Variants in SYCP2 observed in about 807,000 individuals in gnomAD.
The protein encoded by SYCP2 is synaptonemal complex protein 2.
In SYCP2, 55 loss-of-function variants were observed where a neutral mutation model predicts 211.3. That is an observed-to-expected ratio of 0.26 (90% CI 0.21 to 0.33). The LOEUF (loss-of-function observed/expected upper bound fraction) is 0.33, where lower values mean the gene tolerates loss of function less well. Ranked by LOEUF, SYCP2 falls within the 10% of genes least tolerant of loss-of-function variation. The pLI, the probability that SYCP2 is intolerant of heterozygous loss-of-function variation, is 1.00. For synonymous variants in SYCP2, 570 were observed against 555.2 expected, an observed-to-expected ratio of 1.03 and a Z score of -0.37; for missense variants, 1,731 against 1,752.0, an observed-to-expected ratio of 0.99 and a Z score of 0.21.
chr20:59,915,740 T>C (rs1327840827), intron 8 of SYCP2, 190 bp from the exon 9 acceptor site: 4 of 397,548 alleles, frequency 1.0e-5, no homozygotes, highest in Non-Finnish European at 1.8e-5. Flanking sequence ...CTCACTATAA[T>C]ACCAGCACTT....
Position 59,869,980 on chromosome 20 carries a change from T to C in SYCP2, c.3559A>G (p.Arg1187Gly). 6.3e-7 allele frequency: 1 copy of C among 1,580,592 alleles called. No homozygotes were observed. Among genetic ancestry groups the C allele is most frequent in the East Asian group, 2.3e-5 (1 of 44,382 alleles). ...SPIPRPLFLP[R>G]HTPTKSNTIV... Reference sequence around the variant, plus strand: ...GTATTACTCTTAGTTGGAGTATGTCTGGGCTATGAATGAAGACATACAAAA... The same window carrying C: ...GTATTACTCTTAGTTGGAGTATGTCCGGGCTATGAATGAAGACATACAAAA... The change falls in exon 36 of 45, where the codon AGA becomes GGA. Residue 1187 changes from arginine to glycine, a missense_variant. Around this residue, in one of 3 missense-constraint regions of SYCP2, gnomAD observed 1,387 missense variants for 1,351.3 expected, o/e 1.03. Coordinates refer to ENST00000357552, the MANE Select transcript of SYCP2 (RefSeq NM_014258.4).
intron 25 of SYCP2, 77 bp from the exon 26 acceptor site, chr20:59,886,041 T>C (rs1411377138): frequency 1.9e-6 from 2 of 1,075,888 alleles, no homozygotes; most frequent in East Asian, 2.5e-5. Flanking sequence ...AGATAAACCA[T>C]GTTTGTCACT....
chr20:59,901,034 A>C (rs535881142), intron 16 of SYCP2, among the ~76,000 whole-genome samples: 1 of 152,146 alleles, frequency 6.6e-6, no homozygotes, highest in Admixed American at 6.5e-5. Flanking sequence ...GTGAGGAACA[A>C]GGGTTCCTCA....
intron 24 of SYCP2, 140 bp from the exon 25 acceptor site, chr20:59,886,974 G>A (rs900154829): frequency 1.6e-6 from 1 of 626,120 alleles, no homozygotes; most frequent in Middle Eastern, 4.0e-4. Context: ...TGTTTAGTAA[G>A]TTTGAGCTTT....
rs372974092 is a variant in SYCP2, at chr20:59,910,144, A to G, written c.972+1606T>C. On this transcript the variant is annotated intron_variant, in intron 14 of 44. Coordinates refer to ENST00000357552, the MANE Select transcript of SYCP2 (RefSeq NM_014258.4). Reference sequence around the variant, plus strand: ...GTATGCCATGTCAGAGAGACAGAAGAAGGATTCAAGGAGCCACTGTGGAGA... The same window carrying G: ...GTATGCCATGTCAGAGAGACAGAAGGAGGATTCAAGGAGCCACTGTGGAGA... Among the ~76,000 whole-genome samples, 3 of 152,242 alleles carry G rather than the reference A, an allele frequency of 2.0e-5. No individual in the cohort carries two copies. In the East Asian group the frequency reaches 5.8e-4, roughly 29 times the overall value.
At chr20:59,868,264 T>C in intron 38 of SYCP2, 149 bp downstream of exon 38, 1 of 771,876 alleles carries the variant, frequency 1.3e-6, no homozygotes, top group Admixed American at 2.7e-5. Context: ...CAATTATTCA[T>C]ATAAATGTGA....
chr20:59,911,088 C>CAG (rs2060314784), intron 14 of SYCP2, among the ~76,000 whole-genome samples: 1 of 152,100 alleles, frequency 6.6e-6, no homozygotes, highest in African/African-American at 2.4e-5. Context: ...CAGCCACAAC[C>CAG]AGATTAGTAA....
chr20:59,922,811 A>G (rs181641903), intron 2 of SYCP2, among the ~76,000 whole-genome samples: 12 of 151,954 alleles, frequency 7.9e-5, no homozygotes, highest in Admixed American at 7.2e-4. Flanking sequence ...GAAAAAAAAA[A>G]ACTCTTGAAT....
chr20:59,892,335 C>A lies in SYCP2; in HGVS notation c.2019G>T (p.Lys673Asn). Reference protein sequence around the residue: ...NSEGTGKVKYKKEQTDHIKID... With the variant: ...NSEGTGKVKYNKEQTDHIKID... ...TTTTGATATGGTCGGTTTGTTCTTTCTTATATTTCACTTTTCCTGTTCCTT... is the reference window on the plus strand; with the variant it reads ...TTTTGATATGGTCGGTTTGTTCTTTATTATATTTCACTTTTCCTGTTCCTT... The change falls in exon 24 of 45, where the codon AAG (lysine) becomes AAT (asparagine). Residue 673 changes from lysine to asparagine, a missense_variant. By Grantham distance (94) the Lys-to-Asn change is moderately conservative (BLOSUM62 0). This residue lies in a region of SYCP2 where 1,387 missense variants were observed against 1,351.3 expected (regional missense o/e 1.03). Transcript: ENST00000357552. 6.2e-7 allele frequency: 1 copy of A among 1,606,976 alleles called. No individual in the cohort carries two copies. The highest frequency in any genetic ancestry group is 1.1e-5 in the South Asian group (1 of 90,844).
At chr20:59,896,735 G>GTAA (rs1256745602) in intron 18 of SYCP2, among the ~76,000 whole-genome samples, 2 of 152,102 alleles carry the variant, frequency 1.3e-5, no homozygotes, top group Non-Finnish European at 2.9e-5. Context: ...GCTAAAACAA[G>GTAA]TAAGGAACAT....
intron 33 of SYCP2, 151 bp from the exon 34 acceptor site, chr20:59,875,620 C>G: frequency 1.8e-6 from 1 of 543,620 alleles, no homozygotes; most frequent in South Asian, 3.0e-5. Flanking sequence ...GAAAGACTTT[C>G]TAATATACTA....
chr20:59,906,635 G>A (rs531605060), intron 15 of SYCP2, among the ~76,000 whole-genome samples: 2 of 152,044 alleles, frequency 1.3e-5, no homozygotes, highest in African/African-American at 4.8e-5. Flanking sequence ...TTTAAGAGTC[G>A]ACAAAAATTT....
At chr20:59,874,752 G>GAAT (rs1322244737) in intron 34 of SYCP2, among the ~76,000 whole-genome samples, 3 of 151,908 alleles carry the variant, frequency 2.0e-5, no homozygotes, top group Non-Finnish European at 2.9e-5. Flanking sequence ...TTCTATACTA[G>GAAT]AAAGGCATAC....
chr20:59,892,977 T>G (rs2059936751), intron 22 of SYCP2, among the ~76,000 whole-genome samples, 165 bp downstream of exon 22: 1 of 151,882 alleles, frequency 6.6e-6, no homozygotes, highest in Non-Finnish European at 1.5e-5. Context: ...TTGGACCACA[T>G]GGGGAAAAAA....
chr20:59,925,443 A>G (rs1444505753), intron 2 of SYCP2, among the ~76,000 whole-genome samples: 5 of 152,090 alleles, frequency 3.3e-5, no homozygotes, highest in African/African-American at 1.2e-4. Flanking sequence ...CATTGAGAGA[A>G]CAAGGCAGGC....
intron 31 of SYCP2, 26 bp downstream of exon 31, chr20:59,880,277 C>T (rs1241904347): frequency 6.5e-7 from 1 of 1,534,592 alleles, no homozygotes; most frequent in South Asian, 1.2e-5. Flanking sequence ...TCATTTGCAA[C>T]ATTTATCCAA....
chr20:59,925,088 A>C (rs2060610162), intron 2 of SYCP2, among the ~76,000 whole-genome samples: 1 of 152,088 alleles, frequency 6.6e-6, no homozygotes, highest in Non-Finnish European at 1.5e-5. Flanking sequence ...AATAAGCAAT[A>C]AGCAAGATTA....
At chr20:59,922,533 A>C (rs2145883525) in intron 2 of SYCP2, 74 bp from the exon 3 acceptor site, 1 of 659,000 alleles carries the variant, frequency 1.5e-6, no homozygotes, top group East Asian at 3.0e-5. Context: ...TATCTTACAC[A>C]CATAAATATG....
chr20:59,913,889 TA>T lies in SYCP2; in HGVS notation c.830+85del, dbSNP rs1342582378. 11 of 944,756 alleles carry T rather than the reference TA, an allele frequency of 1.2e-5. No individual in the cohort carries two copies. In the African/African-American group the frequency reaches 1.8e-4, roughly 16 times the overall value. 58.5% of individuals were successfully genotyped at this position (944,756 alleles called of 1,614,324 possible). A position where few individuals can be genotyped will look rare whatever the true frequency, so the allele number is the denominator to read the frequency against. On this transcript the variant is annotated intron_variant, in intron 12 of 44. Transcript: ENST00000357552. ...ATAGTGTAGAGAACAAGAATAAAGT[TA>T]AATGTATAAAGATGCAACACTGGGT... is the stretch of plus-strand genomic sequence containing the variant.
Sources: allele counts gnomAD v4.1 joint callset (sites outside exome capture counted in the v4.1 genomes callset), GRCh38; gene constraint gnomAD v4.1.1; regional missense constraint gnomAD v4.1.1; transcripts MANE v1.5; gene names NCBI Gene and HGNC (gene_info 2026-07-23, HGNC 2026-07-21).